MED13: variants seen among roughly 807,000 people sequenced by gnomAD.
MED13 encodes mediator of RNA polymerase II transcription subunit 13.
A neutral mutation model predicts 225.2 loss-of-function variants in MED13; 23 were observed. The ratio of observed to expected loss-of-function variants is 0.10; its 90% confidence interval spans 0.07 to 0.14. MED13 has a LOEUF of 0.14. MED13 is among the 10% of genes least tolerant of loss of function. The pLI, the probability that MED13 is intolerant of heterozygous loss-of-function variation, is 1.00. For synonymous variants in MED13, 942 were observed against 889.2 expected, an observed-to-expected ratio of 1.06 and a Z score of -1.06; for missense variants, 2,197 against 2,594.5, an observed-to-expected ratio of 0.85 and a Z score of 3.33.
intron 16 of MED13, among the ~76,000 whole-genome samples, chr17:61,975,013 T>C (rs2080141831): frequency 6.6e-6 from 1 of 151,204 alleles, no homozygotes; most frequent in African/African-American, 2.4e-5. Context: ...AACAGGAAAG[T>C]GAAAAGAAGC....
At chr17:61,975,806 A>C (rs1323221084) in intron 16 of MED13, among the ~76,000 whole-genome samples, 1 of 152,218 alleles carries the variant, frequency 6.6e-6, no homozygotes, top group Non-Finnish European at 1.5e-5. Flanking sequence ...ACCTGAGGTC[A>C]GGAGTTTGAG....
At chr17:62,036,122 T>C (rs1002948721) in intron 3 of MED13, among the ~76,000 whole-genome samples, 1 of 151,602 alleles carries the variant, frequency 6.6e-6, no homozygotes, top group Admixed American at 6.6e-5. Context: ...AAAAAAGTTT[T>C]ATTTGGATAA....
chr17:62,061,280 A>G (rs925947088), intron 2 of MED13, among the ~76,000 whole-genome samples: 43 of 152,208 alleles, frequency 2.8e-4, no homozygotes, highest in African/African-American at 1.0e-3. Context: ...GCACTTTGGG[A>G]GGTTAAGATG....
intron 11 of MED13, among the ~76,000 whole-genome samples, chr17:61,990,683 C>T (rs2080290254): frequency 6.8e-6 from 1 of 146,204 alleles, no homozygotes; most frequent in Non-Finnish European, 1.5e-5. Context: ...ATGTTGTATA[C>T]CATAAATATA....
Position 62,029,933 on chromosome 17 carries a change from C to T in MED13, c.1090G>A (p.Gly364Ser). 1 of 1,613,952 alleles carries T rather than the reference C, an allele frequency of 6.2e-7. No homozygotes were observed. Among genetic ancestry groups the T allele is most frequent in the South Asian group, 1.1e-5 (1 of 91,070 alleles). Residue 364 changes from glycine to serine, a missense_variant, in exon 7 of 30, where the codon GGT becomes AGT. Physicochemically the swap from Gly to Ser is moderately conservative, Grantham distance 56. Transcript: ENST00000397786. ...GCTAATTTTCTGGGTATTTTCCCAC[C>T]ATGGTGGCTAGTACTATCGGAGTTG... is the stretch of plus-strand genomic sequence containing the variant. ...GFNSDSTSHHGGKIPRKLANH... is the reference protein window; with the variant it reads ...GFNSDSTSHHSGKIPRKLANH...
In MED13 at chr17:62,014,310, T is replaced by TATATATATATATATATATA. The variant is rs1555638734; in HGVS notation, c.1284-3078_1284-3077insTATATATATATATATATAT. ...ATGATGGGAAGTTCTGTATATGTTT[T>TATATATATATATATATATA]TATATATATATATATATATATTTTG... On this transcript the variant is annotated intron_variant, in intron 8 of 29. Coordinates refer to ENST00000397786, the MANE Select transcript of MED13 (RefSeq NM_005121.3). Among the ~76,000 whole-genome samples, 314 of 143,038 alleles carry TATATATATATATATATATA rather than the reference T, an allele frequency of 2.2e-3. 3 individuals carry two copies. The highest frequency in any genetic ancestry group is 7.8e-3 in the African/African-American group (288 of 37,134). The allele number at this position is 143,038 out of a possible 152,430, so 93.8% of individuals were successfully genotyped here.
chr17:62,032,348 C>T (rs1454101752), intron 5 of MED13: 1 of 152,038 alleles, frequency 6.6e-6, no homozygotes, highest in Non-Finnish European at 1.5e-5. Flanking sequence ...GTGGCAGGCA[C>T]CTGTAATCCC....
rs2080795734 is a variant in MED13, at chr17:62,035,620, GA to G, written c.471-13del. On this transcript the variant is annotated splice_polypyrimidine_tract_variant and intron_variant, in intron 3 of 29. Transcript: ENST00000397786. The stretch of plus-strand genomic sequence containing the variant: ...AGGACAAGTGTTCACTAAAAAAGAA[GA>G]AAAAGTTTTATCTTAGTGATGACTA... The G allele has an allele frequency of 1.9e-6, 3 of 1,596,860 alleles. No homozygotes were observed. In the East Asian group the frequency reaches 6.7e-5, roughly 36 times the overall value.
At chr17:61,946,806 C>T (rs1033092454) in intron 29 of MED13, 111 bp downstream of exon 29, 2 of 1,094,354 alleles carry the variant, frequency 1.8e-6, no homozygotes, top group Non-Finnish European at 2.7e-6. Flanking sequence ...TCTAGAGATC[C>T]ACTGGTACAC....
At chr17:61,972,590 C>T in intron 17 of MED13, 137 bp downstream of exon 17, 1 of 771,058 alleles carries the variant, frequency 1.3e-6, no homozygotes, top group Non-Finnish European at 2.0e-6. Context: ...GGAAAAAAAG[C>T]TAGGATTGGA....
rs757802832 is a variant in MED13 at position 62,029,839 on chromosome 17, G to A, written c.1172+12C>T. On this transcript the variant is annotated intron_variant, in intron 7 of 29. Coordinates refer to ENST00000397786, the MANE Select transcript of MED13 (RefSeq NM_005121.3). ...ACATGCAATTTTTGAACTTATAAATGAAAATACACACTTGTTCTGTGCTCT... is the reference window on the plus strand; with the variant it reads ...ACATGCAATTTTTGAACTTATAAATAAAAATACACACTTGTTCTGTGCTCT... 4 of 1,573,584 alleles carry A rather than the reference G, an allele frequency of 2.5e-6. No homozygotes were observed. In the South Asian group the frequency reaches 4.7e-5, roughly 18 times the overall value.
chr17:62,012,933 C>T (rs1482034327), intron 8 of MED13, among the ~76,000 whole-genome samples: 1 of 151,972 alleles, frequency 6.6e-6, no homozygotes, highest in Non-Finnish European at 1.5e-5. Flanking sequence ...GCTGGAACTA[C>T]AGGCGTGCAC....
intron 9 of MED13, among the ~76,000 whole-genome samples, chr17:62,002,526 A>G (rs1384254771): frequency 6.6e-6 from 1 of 151,396 alleles, no homozygotes; most frequent in Non-Finnish European, 1.5e-5. Flanking sequence ...AAAAGAGAAT[A>G]ACAGTAATTC....
intron 11 of MED13, among the ~76,000 whole-genome samples, chr17:61,987,934 G>C (rs1260102039): frequency 6.6e-6 from 1 of 151,634 alleles, no homozygotes; most frequent in Non-Finnish European, 1.5e-5. Context: ...CTCGAGTTGG[G>C]GTTTTGCCAT....
In MED13 at chr17:61,945,974, A is replaced by T. The variant is rs1457917800; in HGVS notation, c.*494T>A. The T allele has an allele frequency of 6.6e-6, 1 of 152,662 alleles. No individual in the cohort carries two copies. The highest frequency in any genetic ancestry group is 1.5e-5 in the Non-Finnish European group (1 of 68,076). The allele number at this position is 152,662 out of a possible 1,614,324, so 9.5% of individuals were successfully genotyped here. On this transcript the variant is annotated 3_prime_UTR_variant, in exon 30 of 30. Transcript: ENST00000397786. Reference sequence around the variant, plus strand: ...TAAACCTTCTAGGAAAATTTTTATAAAAGAGGTTAAGAAATATAAGACAAT... The same window carrying T: ...TAAACCTTCTAGGAAAATTTTTATATAAGAGGTTAAGAAATATAAGACAAT...
intron 8 of MED13, among the ~76,000 whole-genome samples, chr17:62,020,905 G>T (rs2143638111): frequency 6.6e-6 from 1 of 151,630 alleles, no homozygotes; most frequent in South Asian, 2.1e-4. Context: ...TGAGCATGCT[G>T]CCTTCAAGCA....
chr17:61,998,006 G>T (rs2080360362), intron 9 of MED13, among the ~76,000 whole-genome samples: 1 of 152,004 alleles, frequency 6.6e-6, no homozygotes, highest in Non-Finnish European at 1.5e-5. Flanking sequence ...CATGTGCAAA[G>T]AATTTAAATG....
chr17:62,060,863 C>A (rs2081033873), intron 2 of MED13, among the ~76,000 whole-genome samples: 1 of 151,862 alleles, frequency 6.6e-6, no homozygotes, highest in African/African-American at 2.4e-5. Context: ...CCATGCCCAG[C>A]TAATTTTTGT....
rs374103910 is a variant in MED13 at position 61,956,407 on chromosome 17, T to C, written c.5555A>G (p.Gln1852Arg). The change falls in exon 24 of 30, where the codon CAA becomes CGA. Residue 1852 changes from glutamine to arginine, a missense_variant. Physicochemically the swap from Gln to Arg is conservative, Grantham distance 43. Around this residue, in one of 12 missense-constraint regions of MED13, gnomAD observed 78 missense variants for 82.1 expected, o/e 0.95. Coordinates refer to ENST00000397786, the MANE Select transcript of MED13 (RefSeq NM_005121.3). ...KLWEWCLGLV[Q>R]MSSLPWRVVI... Reference sequence around the variant, plus strand: ...AACTCTCCATGGCAATGAACTCATTTGTACAAGTCCTAAGCACCACTCCCA... The same window carrying C: ...AACTCTCCATGGCAATGAACTCATTCGTACAAGTCCTAAGCACCACTCCCA... The C allele has an allele frequency of 1.2e-6, 2 of 1,613,904 alleles. No homozygotes were observed. Among genetic ancestry groups the C allele is most frequent in the East Asian group, 2.2e-5 (1 of 44,880 alleles).
Sources: allele counts gnomAD v4.1 joint callset (sites outside exome capture counted in the v4.1 genomes callset), GRCh38; gene constraint gnomAD v4.1.1; regional missense constraint gnomAD v4.1.1; transcripts MANE v1.5; gene names NCBI Gene and HGNC (gene_info 2026-07-23, HGNC 2026-07-21).